Variants in CCDC18 observed in about 807,000 individuals in gnomAD.
The protein encoded by CCDC18 is coiled-coil domain containing 18, also known as coiled-coil domain-containing protein 18.
In CCDC18, 157 loss-of-function variants were observed where a neutral mutation model predicts 196.0. The ratio of observed to expected loss-of-function variants is 0.80; its 90% CI spans 0.70 to 0.91. The LOEUF is 0.91. Ranked by LOEUF, CCDC18 falls within the 40% of genes least tolerant of loss-of-function variation. The probability of loss-of-function intolerance (pLI) is 0.00; values close to 1 mark genes in which losing one functional copy is unlikely to be tolerated. For synonymous variants in CCDC18, 482 were observed against 529.2 expected, an observed-to-expected ratio of 0.91 and a Z score of 1.22; for missense variants, 1,465 against 1,611.6, an observed-to-expected ratio of 0.91 and a Z score of 1.56.
chr1:93,225,291 G>A (rs1263423011), intron 16 of CCDC18, among the ~76,000 whole-genome samples: 1 of 152,206 alleles, frequency 6.6e-6, no homozygotes, highest in African/African-American at 2.4e-5. Flanking sequence ...TGTGCGCCTT[G>A]AACGAAAAGT....
rs898273077 is a variant in CCDC18 at position 93,236,104 on chromosome 1, T to A, written c.2461-144T>A. 7.6e-6 allele frequency: 5 copies of A among 659,252 alleles called. No individual in the cohort carries two copies. In the African/African-American group the frequency reaches 9.7e-5, roughly 13 times the overall value. 40.8% of individuals were successfully genotyped at this position (659,252 alleles called of 1,614,324 possible). On this transcript the variant is annotated intron_variant, in intron 18 of 28. Coordinates refer to ENST00000690025, the MANE Select transcript of CCDC18 (RefSeq NM_001378204.1). ...TATCTTTATTATTAGAAAGTAAGCC[T>A]TGCTTTTTATATTTTCCAAACATTA...
chr1:93,239,364 G>A lies in CCDC18; in HGVS notation c.2658G>A (p.Lys886=), dbSNP rs1660462273. The part of the protein sequence containing the change: ...QYKEELSKME[K]EIMHLKRDGE... ...AAGAAGAGCTGTCTAAAATGGAAAA[G>A]GAAATAATGCACCTAAAACGAGATG... Residue 886 remains lysine, a synonymous_variant, in exon 20 of 29, where the codon AAG becomes AAA. Transcript: ENST00000690025. 6.2e-7 allele frequency: 1 copy of A among 1,613,066 alleles called. No individual in the cohort carries two copies. The highest frequency in any genetic ancestry group is 8.5e-7 in the Non-Finnish European group (1 of 1,179,452).
intron 18 of CCDC18, among the ~76,000 whole-genome samples, chr1:93,233,469 T>C (rs753030903): frequency 5.9e-5 from 9 of 152,222 alleles, no homozygotes; most frequent in African/African-American, 1.2e-4. Flanking sequence ...TCGTCCCCTG[T>C]AATCTTACTG....
intron 4 of CCDC18, chr1:93,191,114 GAGTTT>G: frequency 1.8e-6 from 1 of 548,456 alleles, no homozygotes; most frequent in Non-Finnish European, 3.3e-6. Flanking sequence ...TGGAGCAATT[GAGTTT>G]CTCCAGCAAA....
At chr1:93,206,565 T>C (rs867418147) in intron 8 of CCDC18, among the ~76,000 whole-genome samples, 2 of 152,278 alleles carry the variant, frequency 1.3e-5, no homozygotes, top group Non-Finnish European at 1.5e-5. Flanking sequence ...CCCTCTAAAA[T>C]GTCTAAGTTT....
At chr1:93,208,128 C>G (rs1017786450) in intron 9 of CCDC18, among the ~76,000 whole-genome samples, 1 of 152,110 alleles carries the variant, frequency 6.6e-6, no homozygotes, top group Non-Finnish European at 1.5e-5. Flanking sequence ...TGGGTAGATA[C>G]CTAGGAGTAG....
intron 14 of CCDC18, among the ~76,000 whole-genome samples, chr1:93,219,408 A>G (rs1231052475): frequency 6.6e-6 from 1 of 152,140 alleles, no homozygotes; most frequent in African/African-American, 2.4e-5. Context: ...GACATATCCA[A>G]ATTGGATCTG....
At chr1:93,233,283 T>TA (rs1419698181) in intron 18 of CCDC18, among the ~76,000 whole-genome samples, 2 of 152,188 alleles carry the variant, frequency 1.3e-5, no homozygotes, top group African/African-American at 4.8e-5. Context: ...GTTCTAAAAT[T>TA]AAAAATTATT....
In CCDC18 at chr1:93,232,453, A is replaced by G. The variant is rs1659382962; in HGVS notation, c.2320A>G (p.Ile774Val). ...ATATTGTTTACAGAAAGAGCTAAAG[A>G]TAAAAAATCACAGTCTTCAAGAGAC... ...EVYCLQKELK[I>V]KNHSLQETSE... is the part of the protein sequence containing the mutation. Residue 774 changes from isoleucine (I) to valine (V), a missense_variant, in exon 18 of 29, where the codon ATA becomes GTA. By Grantham distance (29) the Ile-to-Val change is conservative (BLOSUM62 3). Transcript: ENST00000690025. 6.2e-7 allele frequency: 1 copy of G among 1,605,330 alleles called. No homozygotes were observed. Among genetic ancestry groups the G allele is most frequent in the African/African-American group, 1.3e-5 (1 of 74,528 alleles).
intron 4 of CCDC18, 70 bp downstream of exon 4, chr1:93,186,573 T>C: frequency 8.0e-7 from 1 of 1,257,704 alleles, no homozygotes; most frequent in Non-Finnish European, 1.1e-6. Flanking sequence ...TGGAAAAATA[T>C]TCCTTGTATT....
chr1:93,195,473 T>G (rs1652570397), intron 6 of CCDC18, among the ~76,000 whole-genome samples: 1 of 152,198 alleles, frequency 6.6e-6, no homozygotes, highest in African/African-American at 2.4e-5. Context: ...TTTGAAGAAC[T>G]AAAATGAATA....
chr1:93,212,311 T>C lies in CCDC18; in HGVS notation c.1495+50T>C, dbSNP rs142233334. The C allele has an allele frequency of 3.4e-4, 429 of 1,252,398 alleles. No homozygotes were observed. The African/African-American group carries it at 5.8e-3, about 17-fold the overall frequency. The allele number at this position is 1,252,398 out of a possible 1,614,324, so 77.6% of individuals were successfully genotyped here. A position where few individuals can be genotyped will look rare whatever the true frequency, so the allele number is the denominator to read the frequency against. On this transcript the variant is annotated intron_variant, in intron 11 of 28. Coordinates refer to ENST00000690025, the MANE Select transcript of CCDC18 (RefSeq NM_001378204.1). ...AAATTATATTCAGAGTTTTGGATGA[T>C]AGTTTTTTTTTAAAAAAACTTTTAT...
At chr1:93,245,574 T>C (rs1661396014) in intron 21 of CCDC18, among the ~76,000 whole-genome samples, 1 of 152,122 alleles carries the variant, frequency 6.6e-6, no homozygotes, top group South Asian at 2.1e-4. Context: ...TTTTATAATA[T>C]AAGGTTATAC....
At chr1:93,182,942 C>T (rs1156443495) in intron 1 of CCDC18, among the ~76,000 whole-genome samples, 1 of 152,160 alleles carries the variant, frequency 6.6e-6, no homozygotes, top group Non-Finnish European at 1.5e-5. Flanking sequence ...TACAATGCGA[C>T]ATAATTTAAT....
chr1:93,229,605 A>G (rs1658934687), intron 17 of CCDC18, among the ~76,000 whole-genome samples: 1 of 152,238 alleles, frequency 6.6e-6, no homozygotes, highest in Non-Finnish European at 1.5e-5. Context: ...ATAGGTAGAA[A>G]TTTAGCCAGT....
At chr1:93,262,715 T>C (rs1467520191) in intron 26 of CCDC18, among the ~76,000 whole-genome samples, 1 of 152,140 alleles carries the variant, frequency 6.6e-6, no homozygotes, top group African/African-American at 2.4e-5. Context: ...GGATCTACCA[T>C]TCTGGGGTCT....
chr1:93,277,966 TTTTA>T (rs1381528417), intron 28 of CCDC18, among the ~76,000 whole-genome samples: 1 of 152,044 alleles, frequency 6.6e-6, no homozygotes, highest in Non-Finnish European at 1.5e-5. Context: ...AATTATTTGC[TTTTA>T]TTTTTTATTT....
Position 93,270,798 on chromosome 1 carries a change from G to A in CCDC18, c.4337G>A (p.Gly1446Asp), listed in dbSNP as rs771671564. ...TTAAAAAAGTCTTCTATGCAAACAG[G>A]TGCTGGTTTAAATCAGGTATGTATT... ...RLLKKSSMQT[G>D]AGLNQGENV The change falls in exon 28 of 29, where the codon GGT becomes GAT. Residue 1446 changes from glycine (G) to aspartate (D), a missense_variant. By Grantham distance (94) the Gly-to-Asp change is moderately conservative. Coordinates refer to ENST00000690025, the MANE Select transcript of CCDC18 (RefSeq NM_001378204.1). 9.1e-6 allele frequency: 14 copies of A among 1,534,932 alleles called. No individual in the cohort carries two copies. The highest frequency in any genetic ancestry group is 3.7e-4 in the Middle Eastern group (2 of 5,408).
At chr1:93,242,524 C>T (rs768691191) in intron 21 of CCDC18, among the ~76,000 whole-genome samples, 13 of 152,252 alleles carry the variant, frequency 8.5e-5, no homozygotes, top group Middle Eastern at 3.4e-3. Context: ...CATTCTGCCC[C>T]GGCCCCTCCC....
Sources: allele counts gnomAD v4.1 joint callset (sites outside exome capture counted in the v4.1 genomes callset), GRCh38; gene constraint gnomAD v4.1.1; transcripts MANE v1.5; gene names NCBI Gene and HGNC (gene_info 2026-07-23, HGNC 2026-07-21).